Variants in DCLK3 observed in about 807,000 individuals in gnomAD.
The protein encoded by DCLK3 is serine/threonine-protein kinase DCLK3.
In DCLK3, 30 loss-of-function variants were observed where a neutral mutation model predicts 46.4. That is an observed-to-expected ratio of 0.65 (90% CI 0.48 to 0.88). The LOEUF is 0.88. Among genes scored for constraint, DCLK3 ranks in the 40% least tolerant of loss-of-function variants. DCLK3 has a pLI of 0.00. For synonymous variants in DCLK3, 401 were observed against 339.2 expected, an observed-to-expected ratio of 1.18 and a Z score of -2.00; for missense variants, 846 against 907.1, an observed-to-expected ratio of 0.93 and a Z score of 0.87.
chr3:36,745,265 C>T (rs1045478439), intron 1 of DCLK3, among the ~76,000 whole-genome samples: 3 of 152,124 alleles, frequency 2.0e-5, no homozygotes, highest in African/African-American at 4.8e-5. Flanking sequence ...TAAAATAACT[C>T]ACGTGTCTAA....
chr3:36,753,617 C>T (rs1701462309), intron 1 of DCLK3, among the ~76,000 whole-genome samples: 1 of 152,202 alleles, frequency 6.6e-6, no homozygotes, highest in African/African-American at 2.4e-5. Flanking sequence ...ACAAGCATTC[C>T]TGAGAACACA....
chr3:36,748,001 G>C lies in DCLK3; in HGVS notation c.83-8917C>G, dbSNP rs145370996. On this transcript the variant is annotated intron_variant, in intron 1 of 4. Transcript: ENST00000636136. ...GTGAAACCAAAATATGCAGCCCTCA[G>C]TGGGGGTGAGGGGATCATAAAGCCC... Among the ~76,000 whole-genome samples, 438 of 152,324 alleles carry C rather than the reference G, an allele frequency of 2.9e-3. 2 individuals are homozygous for C. The highest frequency in any genetic ancestry group is 0.01 in the African/African-American group (424 of 41,558).
intron 1 of DCLK3, among the ~76,000 whole-genome samples, chr3:36,761,580 G>A (rs376393326): frequency 3.3e-5 from 5 of 152,270 alleles, no homozygotes; most frequent in Admixed American, 2.0e-4. Flanking sequence ...ACCAGCAGAC[G>A]GGCAAAATTT....
At chr3:36,718,942 A>G (rs1701023464) in intron 3 of DCLK3, among the ~76,000 whole-genome samples, 1 of 152,126 alleles carries the variant, frequency 6.6e-6, no homozygotes, top group Non-Finnish European at 1.5e-5. Context: ...ACTCTATTTT[A>G]TTTACTGAAT....
intron 1 of DCLK3, among the ~76,000 whole-genome samples, chr3:36,747,439 TATATATATATATTTCTC>T (rs995159719): frequency 1.5e-4 from 22 of 151,342 alleles, no homozygotes; most frequent in Admixed American, 4.6e-4. Context: ...GGAAAAAAGG[TATATATATATATTTCTC>T]ATATATATAT....
chr3:36,720,504 C>CTTTTTT (rs34010996), intron 3 of DCLK3, among the ~76,000 whole-genome samples: 3 of 129,334 alleles, frequency 2.3e-5, no homozygotes, highest in Admixed American at 8.2e-5. Flanking sequence ...ATCTCCTCAT[C>CTTTTTT]TTTTTTTTTT....
At chr3:36,750,033 C>T (rs1244338573) in intron 1 of DCLK3, among the ~76,000 whole-genome samples, 1 of 152,022 alleles carries the variant, frequency 6.6e-6, no homozygotes, top group Non-Finnish European at 1.5e-5. Context: ...AAATAAATTT[C>T]TTTTACTTCT....
At chr3:36,748,768 G>A (rs1239557542) in intron 1 of DCLK3, among the ~76,000 whole-genome samples, 1 of 152,126 alleles carries the variant, frequency 6.6e-6, no homozygotes, top group Non-Finnish European at 1.5e-5. Flanking sequence ...GAACCCTTCT[G>A]CTTTCCAGTC....
chr3:36,719,495 T>A (rs989040721), intron 3 of DCLK3, among the ~76,000 whole-genome samples: 1 of 152,232 alleles, frequency 6.6e-6, no homozygotes, highest in Non-Finnish European at 1.5e-5. Flanking sequence ...TCATCAATCC[T>A]AGAAATGTCC....
chr3:36,749,960 G>C (rs554198613), intron 1 of DCLK3, among the ~76,000 whole-genome samples: 2 of 152,270 alleles, frequency 1.3e-5, no homozygotes, highest in African/African-American at 4.8e-5. Context: ...GCCATCAAAG[G>C]AGACAACTTA....
rs373746140 is a variant in DCLK3 at position 36,715,388 on chromosome 3, G to A, written c.2394C>T (p.Ser798=). ...TNTVKRQKQV[S]PSSEGHFRSQ... Reference sequence around the variant, plus strand: ...TCCGGAAGTGACCCTCGCTGCTGGGGGACACCTGCTTCTGTCGTTTCACTG... The same window carrying A: ...TCCGGAAGTGACCCTCGCTGCTGGGAGACACCTGCTTCTGTCGTTTCACTG... Residue 798 remains serine, a synonymous_variant, in exon 5 of 5, where the codon TCC becomes TCT. Transcript: ENST00000636136. The A allele has an allele frequency of 6.2e-7, 1 of 1,614,120 alleles. No homozygotes were observed. Among genetic ancestry groups the A allele is most frequent in the South Asian group, 1.1e-5 (1 of 91,080 alleles).
At chr3:36,759,227 A>C (rs1701515535) in intron 1 of DCLK3, among the ~76,000 whole-genome samples, 2 of 152,302 alleles carry the variant, frequency 1.3e-5, no homozygotes, top group Admixed American at 6.5e-5. Context: ...CATATGTGGG[A>C]GAGTTGATAT....
At chr3:36,741,488 C>T (rs1242457775) in intron 1 of DCLK3, among the ~76,000 whole-genome samples, 1 of 152,134 alleles carries the variant, frequency 6.6e-6, no homozygotes, top group Non-Finnish European at 1.5e-5. Context: ...CACAAGAGGG[C>T]AGACCTACCA....
At chr3:36,748,216 C>A (rs769269024) in intron 1 of DCLK3, among the ~76,000 whole-genome samples, 1 of 152,154 alleles carries the variant, frequency 6.6e-6, no homozygotes, top group Non-Finnish European at 1.5e-5. Flanking sequence ...GTTTTGTGCA[C>A]AGGCATTTGC....
At chr3:36,729,248 T>C (rs13062940) in intron 2 of DCLK3, among the ~76,000 whole-genome samples, 21 of 92,702 alleles carry the variant, frequency 2.3e-4, no homozygotes, top group Middle Eastern at 0.012. Flanking sequence ...TGTGTGTGTG[T>C]GGGGGGGGGG....
In DCLK3 at chr3:36,738,662, C is replaced by G. The variant is rs1701305437; in HGVS notation, c.505G>C (p.Ala169Pro). 1.5e-6 allele frequency: 2 copies of G among 1,329,956 alleles called. No individual in the cohort carries two copies. Among genetic ancestry groups the G allele is most frequent in the Non-Finnish European group, 1.9e-6 (2 of 1,032,584 alleles). 82.4% of individuals were successfully genotyped at this position (1,329,956 alleles called of 1,614,324 possible). The part of the protein sequence containing the change: ...DFFREGDAFI[A>P]MGKEPLTLKS... Reference sequence around the variant, plus strand: ...AGTGTCAGTGGTTCTTTGCCCATAGCTATGAAAGCATCCCCTTCCCTGAAG... The same window carrying G: ...AGTGTCAGTGGTTCTTTGCCCATAGGTATGAAAGCATCCCCTTCCCTGAAG... The change falls in exon 2 of 5, where the codon GCT (alanine) becomes CCT (proline). Residue 169 changes from alanine (A) to proline (P), a missense_variant. Around this residue, in one of 3 missense-constraint regions of DCLK3, gnomAD observed 553 missense variants for 543.0 expected, o/e 1.02. Transcript: ENST00000636136.
At chr3:36,756,028 C>T (rs549425756) in intron 1 of DCLK3, among the ~76,000 whole-genome samples, 3 of 152,302 alleles carry the variant, frequency 2.0e-5, no homozygotes, top group Admixed American at 6.5e-5. Flanking sequence ...TAACCCCAAC[C>T]ACCCCAAAAG....
In DCLK3 at chr3:36,738,760, G is replaced by C; in HGVS notation, c.407C>G (p.Pro136Arg). The C allele has an allele frequency of 7.8e-7, 1 of 1,289,336 alleles. No homozygotes were observed. The highest frequency in any genetic ancestry group is 9.9e-7 in the Non-Finnish European group (1 of 1,010,182). 79.9% of individuals were successfully genotyped at this position (1,289,336 alleles called of 1,614,324 possible). ...LADISEALGS[P>R]RWKNDRVRKL... ...CCTCACACGGTCATTCTTCCATCTGGGAGAGCCCAAGGCTTCTGAGATGTC... is the reference window on the plus strand; with the variant it reads ...CCTCACACGGTCATTCTTCCATCTGCGAGAGCCCAAGGCTTCTGAGATGTC... The change falls in exon 2 of 5, where the codon CCC becomes CGC. Residue 136 changes from proline to arginine, a missense_variant. Transcript: ENST00000636136.
intron 3 of DCLK3, among the ~76,000 whole-genome samples, chr3:36,720,726 C>T (rs1368650824): frequency 6.6e-6 from 1 of 152,130 alleles, no homozygotes; most frequent in African/African-American, 2.4e-5. Flanking sequence ...AGGATGGTTT[C>T]AAATGCCTGA....
Sources: gnomAD v4.1 joint callset for allele counts (sites outside exome capture counted in the v4.1 genomes callset) on GRCh38, gnomAD v4.1.1 for gene constraint, gnomAD v4.1.1 regional missense constraint, MANE v1.5 for transcripts, NCBI Gene and HGNC (gene_info 2026-07-23, HGNC 2026-07-21) for gene names.